The following MCPH1 variants were observed in gnomAD, a reference collection of about 807,000 sequenced individuals.
The protein encoded by MCPH1 is microcephalin.
A neutral mutation model predicts 84.5 loss-of-function variants in MCPH1; 104 were observed. The ratio of observed to expected loss-of-function variants is 1.23; its 90% CI spans 1.05 to 1.45. MCPH1 has a LOEUF of 1.45. Among genes scored for constraint, MCPH1 ranks in the 40% most tolerant of loss-of-function variants. The pLI is 0.00. For missense variants in MCPH1, 1,498 were observed against 1,005.7 expected, an observed-to-expected ratio of 1.49 and a Z score of -6.62; for synonymous variants, 514 against 366.8, an observed-to-expected ratio of 1.40 and a Z score of -4.58.
intron 12 of MCPH1, among the ~76,000 whole-genome samples, chr8:6,544,589 AG>A (rs1294275559): frequency 5.4e-4 from 82 of 152,074 alleles, no homozygotes; most frequent in African/African-American, 1.8e-3. Flanking sequence ...CATGTATTGG[AG>A]GGGGAGAGGG....
chr8:6,455,915 G>A (rs1386907047), intron 9 of MCPH1, among the ~76,000 whole-genome samples: 1 of 152,092 alleles, frequency 6.6e-6, no homozygotes, highest in Non-Finnish European at 1.5e-5. Flanking sequence ...AAACCATACC[G>A]ATTGAAAAGC....
intron 12 of MCPH1, among the ~76,000 whole-genome samples, chr8:6,591,447 A>G (rs1828446285): frequency 6.6e-6 from 1 of 151,982 alleles, no homozygotes; most frequent in African/African-American, 2.4e-5. Context: ...AGCCATGGAA[A>G]TGTTCCCATG....
At chr8:6,552,456 G>A (rs1281992640) in intron 12 of MCPH1, among the ~76,000 whole-genome samples, 1 of 152,144 alleles carries the variant, frequency 6.6e-6, no homozygotes, top group Admixed American at 6.5e-5. Flanking sequence ...ATTATCTTTC[G>A]AGTAAACATG....
chr8:6,587,524 G>C (rs1363748652), intron 12 of MCPH1, among the ~76,000 whole-genome samples: 8 of 152,200 alleles, frequency 5.3e-5, no homozygotes, highest in Non-Finnish European at 1.2e-4. Context: ...GTGATTGCTG[G>C]ACATTGAATT....
At chr8:6,565,112 C>G (rs1308184539) in intron 12 of MCPH1, among the ~76,000 whole-genome samples, 1 of 152,186 alleles carries the variant, frequency 6.6e-6, no homozygotes, top group Non-Finnish European at 1.5e-5. Context: ...GTGTTAGAAC[C>G]CTGCTTCTGT....
intron 11 of MCPH1, among the ~76,000 whole-genome samples, chr8:6,484,660 C>G (rs1809641141): frequency 6.6e-6 from 1 of 152,212 alleles, no homozygotes; most frequent in South Asian, 2.1e-4. Context: ...CCAGCTGGAC[C>G]AACCATACTG....
intron 12 of MCPH1, among the ~76,000 whole-genome samples, chr8:6,617,933 A>ATCTATCTATCTATCTATCTATCTATCTT: frequency 6.6e-6 from 1 of 151,478 alleles, no homozygotes; most frequent in Non-Finnish European, 1.5e-5. Context: ...CTATCTATCT[A>ATCTATCTATCTATCTATCTATCTATCTT]TCTATCTATC....
intron 12 of MCPH1, among the ~76,000 whole-genome samples, chr8:6,582,139 G>C (rs1827613094): frequency 6.6e-6 from 1 of 152,186 alleles, no homozygotes; most frequent in Non-Finnish European, 1.5e-5. Flanking sequence ...CGTCTGAGTG[G>C]GAACAGGGGT....
chr8:6,445,602 A>G (rs1804232781), intron 8 of MCPH1, 55 bp downstream of exon 8: 1 of 1,521,250 alleles, frequency 6.6e-7, no homozygotes. Context: ...GTAACAGTGC[A>G]TCCATATTTT....
At chr8:6,488,200 G>A (rs558020297) in intron 11 of MCPH1, among the ~76,000 whole-genome samples, 4 of 152,302 alleles carry the variant, frequency 2.6e-5, no homozygotes, top group African/African-American at 9.6e-5. Flanking sequence ...CAGGCGCTGC[G>A]GTCTAGGTCC....
At chr8:6,417,392 GTGGCAGCAAACTTTACTTATAAGTC>G (rs1272269577) in intron 3 of MCPH1, among the ~76,000 whole-genome samples, 1 of 80,030 alleles carries the variant, frequency 1.2e-5, no homozygotes, top group Non-Finnish European at 3.7e-5. Flanking sequence ...TTGTGTCTGT[GTGGCAGCAAACTTTACTTATAAGTC>G]TGGCAGGAAG....
chr8:6,591,750 A>T (rs927873622), intron 12 of MCPH1, among the ~76,000 whole-genome samples: 4 of 152,196 alleles, frequency 2.6e-5, no homozygotes, highest in African/African-American at 9.7e-5. Flanking sequence ...ATTTGGATAG[A>T]AGGGCGTTCA....
intron 12 of MCPH1, among the ~76,000 whole-genome samples, chr8:6,523,008 C>A (rs1235051003): frequency 6.8e-6 from 1 of 147,292 alleles, no homozygotes; most frequent in East Asian, 2.0e-4. Context: ...TTTTTTTTTT[C>A]TTTTTTTGAG....
chr8:6,575,615 C>T (rs528516658), intron 12 of MCPH1, among the ~76,000 whole-genome samples: 43 of 152,272 alleles, frequency 2.8e-4, no homozygotes, highest in African/African-American at 9.6e-4. Flanking sequence ...TTTTGTTCTC[C>T]GAAAATTCAT....
In MCPH1 at chr8:6,518,904, C is replaced by T. The variant is rs75928385; in HGVS notation, c.2214+18975C>T. On this transcript the variant is annotated intron_variant, in intron 12 of 13. Coordinates refer to ENST00000344683, the MANE Select transcript of MCPH1 (RefSeq NM_024596.5). ...AGAGAAGCCACATTGAAATATTCTCCGGAAGGGTTTTTTTTTTTCCTTATC... is the reference window on the plus strand; with the variant it reads ...AGAGAAGCCACATTGAAATATTCTCTGGAAGGGTTTTTTTTTTTCCTTATC... 9.2e-3 allele frequency among the ~76,000 whole-genome samples: 1,406 copies of T among 152,116 alleles called. 26 individuals carry two copies. Among genetic ancestry groups the T allele is most frequent in the African/African-American group, 0.032 (1,331 of 41,482 alleles).
chr8:6,447,292 A>T (rs558995969), intron 8 of MCPH1: 44 of 985,390 alleles, frequency 4.5e-5, no homozygotes, highest in Middle Eastern at 5.2e-4. Context: ...CTTCAGTTTC[A>T]ATGTCAGGGA....
chr8:6,506,808 C>A (rs1014002789), intron 12 of MCPH1, among the ~76,000 whole-genome samples: 1 of 147,108 alleles, frequency 6.8e-6, no homozygotes, highest in Admixed American at 6.8e-5. Context: ...AGGCCTGATT[C>A]TTTCAGCATA....
intron 9 of MCPH1, among the ~76,000 whole-genome samples, chr8:6,458,820 G>C (rs1366219032): frequency 1.3e-5 from 2 of 151,914 alleles, no homozygotes. Flanking sequence ...AATTTTTTAA[G>C]TTTTTTGTAG....
At chr8:6,415,288 G>C (rs1799106250) in intron 3 of MCPH1, among the ~76,000 whole-genome samples, 1 of 29,618 alleles carries the variant, frequency 3.4e-5, no homozygotes, top group African/African-American at 9.6e-5. Flanking sequence ...AACAGGGTTG[G>C]TATCTTCTTT....
Sources: allele counts gnomAD v4.1 joint callset (sites outside exome capture counted in the v4.1 genomes callset), GRCh38; gene constraint gnomAD v4.1.1; transcripts MANE v1.5; gene names NCBI Gene and HGNC (gene_info 2026-07-23, HGNC 2026-07-21).